Variants in GATAD1 observed in about 807,000 individuals in gnomAD.
The protein encoded by GATAD1 is GATA zinc finger domain containing 1.
GATAD1 carries 12 observed loss-of-function variants against 26.5 expected under a neutral mutation model. That is an observed-to-expected ratio of 0.45 (90% confidence interval 0.29 to 0.73). The LOEUF (loss-of-function observed/expected upper bound fraction) is 0.73. Ranked by LOEUF, GATAD1 falls within the 30% of genes least tolerant of loss-of-function variation. The pLI, the probability that GATAD1 is intolerant of heterozygous loss-of-function variation, is 0.10. For missense variants in GATAD1, 266 were observed against 342.1 expected, an observed-to-expected ratio of 0.78 and a Z score of 1.75; for synonymous variants, 129 against 133.1, an observed-to-expected ratio of 0.97 and a Z score of 0.21.
chr7:92,488,729 ATT>A, the GATAD1 span, among the ~76,000 whole-genome samples: 24 of 142,472 alleles, frequency 1.7e-4, no homozygotes, highest in East Asian at 2.0e-4. Context: ...AAGTTACTAA[ATT>A]TTTTTTTTTT....
chr7:92,448,387 C>T (rs1789263303), intron 1 of GATAD1, among the ~76,000 whole-genome samples: 1 of 152,164 alleles, frequency 6.6e-6, no homozygotes, highest in Non-Finnish European at 1.5e-5. Flanking sequence ...CTACTACGTT[C>T]TCTGGCCTTA....
chr7:92,486,187 G>C, the GATAD1 span, among the ~76,000 whole-genome samples: 1 of 152,174 alleles, frequency 6.6e-6, no homozygotes, highest in African/African-American at 2.4e-5. Flanking sequence ...GACCAACCAG[G>C]CAAGTCCACA....
At chr7:92,451,406 C>T (rs925800876) in intron 3 of GATAD1, among the ~76,000 whole-genome samples, 1 of 152,208 alleles carries the variant, frequency 6.6e-6, no homozygotes, top group Non-Finnish European at 1.5e-5. Context: ...CCCCAAGGCT[C>T]GGCAGGCCTG....
downstream of GATAD1, among the ~76,000 whole-genome samples, chr7:92,460,555 G>A (rs1789881928): frequency 6.6e-6 from 1 of 152,080 alleles, no homozygotes; most frequent in Non-Finnish European, 1.5e-5. Context: ...GTAGCGGAAA[G>A]GTTCACAATA....
At chr7:92,477,753 C>T in the GATAD1 span, 1 of 179,248 alleles carries the variant, frequency 5.6e-6, no homozygotes, top group Non-Finnish European at 1.1e-5. Context: ...AGCGGACACC[C>T]TGCAGGATCC....
the GATAD1 span, among the ~76,000 whole-genome samples, chr7:92,495,644 T>C: frequency 4.1e-4 from 62 of 152,174 alleles, no homozygotes; most frequent in Non-Finnish European, 8.5e-4. Context: ...GGGATATCTT[T>C]AGCGATGTTT....
chr7:92,492,434 TG>T, the GATAD1 span, among the ~76,000 whole-genome samples: 6 of 152,236 alleles, frequency 3.9e-5, 1 homozygote, highest in South Asian at 1.0e-3. Flanking sequence ...GCCAAAGTGC[TG>T]GGATTACAGG....
chr7:92,460,762 G>C (rs1251513553), downstream of GATAD1, among the ~76,000 whole-genome samples: 2 of 134,386 alleles, frequency 1.5e-5, no homozygotes, highest in Non-Finnish European at 3.1e-5. Context: ...GGTGATAGAA[G>C]TGAGACCTTC....
chr7:92,476,161 A>G, the GATAD1 span, among the ~76,000 whole-genome samples: 5 of 152,182 alleles, frequency 3.3e-5, no homozygotes, highest in Admixed American at 3.3e-4. Context: ...GGTTAAGGGA[A>G]TTATCAGTGG....
the GATAD1 span, chr7:92,487,595 A>T: frequency 1.3e-6 from 1 of 774,996 alleles, no homozygotes; most frequent in Non-Finnish European, 2.2e-6. Context: ...TTACAAAACA[A>T]AAGATAATGG....
At chr7:92,492,871 G>A in the GATAD1 span, 1 of 1,063,234 alleles carries the variant, frequency 9.4e-7, no homozygotes, top group East Asian at 2.4e-5. Flanking sequence ...TTAAAAAATA[G>A]CATTTTTTAA....
the GATAD1 span, chr7:92,493,106 A>G: frequency 6.2e-7 from 1 of 1,606,456 alleles, no homozygotes; most frequent in East Asian, 2.2e-5. Flanking sequence ...CACTGAGGAC[A>G]TTTAAAATTT....
At chr7:92,449,888 A>G (rs1789349797) in intron 2 of GATAD1, 1 of 152,256 alleles carries the variant, frequency 6.6e-6, no homozygotes, top group Non-Finnish European at 1.5e-5. Flanking sequence ...GACAGGCCCC[A>G]GTGTGTGATG....
In GATAD1 at chr7:92,447,630, T is replaced by C. The variant is rs1423459246; in HGVS notation, c.-100T>C. On this transcript the variant is annotated 5_prime_UTR_variant, in exon 1 of 5. Transcript: ENST00000287957. ...CTCCGTGCCGACGCTCTCACCGCTC[T>C]TCCTATCGCCGGGAGTGGCGGGCCG... 2.3e-6 allele frequency: 3 copies of C among 1,313,690 alleles called. No homozygotes were observed. The highest frequency in any genetic ancestry group is 8.4e-5 in the Admixed American group (2 of 23,932). 81.4% of individuals were successfully genotyped at this position (1,313,690 alleles called of 1,614,324 possible).
chr7:92,456,322 G>T, intron 4 of GATAD1, 50 bp from the exon 5 acceptor site: 1 of 1,247,176 alleles, frequency 8.0e-7, no homozygotes, highest in South Asian at 1.4e-5. Flanking sequence ...TTATGAAAAT[G>T]ATATATATGG....
At position 92,453,662 on chromosome 7, in the gene GATAD1, G is replaced by A. The variant is rs147508690; in HGVS notation, c.436-840G>A. Among the ~76,000 whole-genome samples the A allele has an allele frequency of 1.6e-3, 251 of 152,278 alleles. 1 individual carries two copies. The highest frequency in any genetic ancestry group is 5.9e-3 in the African/African-American group (246 of 41,558). ...CAAAGATTATTTTTGGTTTGAATTT[G>A]TTTTGGTTTGAATTCATGGTATCTA... On this transcript the variant is annotated intron_variant, in intron 3 of 4. Coordinates refer to ENST00000287957, the MANE Select transcript of GATAD1 (RefSeq NM_021167.5).
the GATAD1 span, among the ~76,000 whole-genome samples, chr7:92,488,110 G>C: frequency 6.6e-6 from 1 of 152,082 alleles, no homozygotes; most frequent in African/African-American, 2.4e-5. Flanking sequence ...ACTATAAAAT[G>C]ACATTTAAAA....
intron 2 of GATAD1, chr7:92,449,092 C>A: frequency 8.8e-7 from 1 of 1,140,142 alleles, no homozygotes; most frequent in Non-Finnish European, 1.1e-6. Flanking sequence ...TGTTTTTTAG[C>A]TTTTATTTTT....
the GATAD1 span, among the ~76,000 whole-genome samples, chr7:92,481,733 A>G: frequency 1.3e-5 from 2 of 152,336 alleles, no homozygotes; most frequent in South Asian, 4.1e-4. Flanking sequence ...GGGGTCAGCT[A>G]GGTTTCCTTT....
Sources: allele counts gnomAD v4.1 joint callset (sites outside exome capture counted in the v4.1 genomes callset), GRCh38; gene constraint gnomAD v4.1.1; transcripts MANE v1.5; gene names NCBI Gene and HGNC (gene_info 2026-07-23, HGNC 2026-07-21).